DSTYK: variants seen among roughly 807,000 people sequenced by gnomAD.
DSTYK encodes the protein dual serine/threonine and tyrosine protein kinase, also known as RIP-homologous kinase.
DSTYK carries 34 observed loss-of-function variants against 98.7 expected under a neutral mutation model. That is an observed-to-expected ratio of 0.34 (90% CI 0.26 to 0.46). The LOEUF is 0.46. Ranked by LOEUF, DSTYK falls within the 20% of genes least tolerant of loss-of-function variation. The pLI, the probability that DSTYK is intolerant of heterozygous loss-of-function variation, is 1.00. For synonymous variants in DSTYK, 462 were observed against 457.3 expected, an observed-to-expected ratio of 1.01 and a Z score of -0.13; for missense variants, 962 against 1,181.7, an observed-to-expected ratio of 0.81 and a Z score of 2.73.
chr1:205,166,029 A>G (rs1657878948), intron 3 of DSTYK, among the ~76,000 whole-genome samples: 1 of 152,044 alleles, frequency 6.6e-6, no homozygotes, highest in African/African-American at 2.4e-5. Context: ...CTCAAAAAAA[A>G]ATAAATAAAT....
chr1:205,157,433 A>G, intron 9 of DSTYK, 47 bp from the exon 10 acceptor site: 1 of 1,478,932 alleles, frequency 6.8e-7, no homozygotes, highest in Non-Finnish European at 9.5e-7. Flanking sequence ...GCAACTCCTC[A>G]ATTCAACTGA....
intron 1 of DSTYK, among the ~76,000 whole-genome samples, chr1:205,207,718 T>A (rs1465894599): frequency 9.2e-6 from 1 of 108,752 alleles, no homozygotes; most frequent in East Asian, 3.0e-4. Context: ...ATCACGCCAC[T>A]GCACTCCAGC....
rs1291205969 is a variant in DSTYK at position 205,187,561 on chromosome 1, A to G, written c.511T>C (p.Tyr171His). 3.7e-6 allele frequency: 6 copies of G among 1,614,024 alleles called. No homozygotes were observed. ...TRVSLALPGQ[Y>H]ELVHTLVAHQ... Reference sequence around the variant, plus strand: ...GCAACCAGCGTGTGCACTAGTTCATACTGTCCAGGGAGCGCCAGGCTGACC... The same window carrying G: ...GCAACCAGCGTGTGCACTAGTTCATGCTGTCCAGGGAGCGCCAGGCTGACC... The change falls in exon 2 of 13, where the codon TAT becomes CAT. Residue 171 changes from tyrosine (Y) to histidine (H), a missense_variant. Physicochemically the swap from Tyr to His is moderately conservative, Grantham distance 83 (BLOSUM62 2). Around this residue, in one of 4 missense-constraint regions of DSTYK, gnomAD observed 660 missense variants for 855.0 expected, o/e 0.77. Coordinates refer to ENST00000367162, the MANE Select transcript of DSTYK (RefSeq NM_015375.3).
chr1:205,191,148 A>G (rs1212251153), intron 1 of DSTYK, among the ~76,000 whole-genome samples: 3 of 152,216 alleles, frequency 2.0e-5, no homozygotes, highest in Non-Finnish European at 4.4e-5. Flanking sequence ...CGCAGTAGGA[A>G]AGGGTGCTGA....
In DSTYK at chr1:205,169,477, C is replaced by T. The variant is rs1344353997; in HGVS notation, c.1010G>A (p.Ser337Asn). 1.2e-6 allele frequency: 2 copies of T among 1,614,030 alleles called. No individual in the cohort carries two copies. The highest frequency in any genetic ancestry group is 1.3e-5 in the African/African-American group (1 of 74,904). Residue 337 changes from serine (S) to asparagine (N), a missense_variant, in exon 3 of 13, where the codon AGT becomes AAT. By Grantham distance (46) the Ser-to-Asn change is conservative. Transcript: ENST00000367162. This position sits in a 1 kb window ranked among gnomAD's most constrained non-coding sequence, Gnocchi z 4.0. ...TGTGCTCAAGTGTCTCAGCTTTTCA[C>T]TCTGTTCCACCAACATGCTCTGAGC... is the stretch of plus-strand genomic sequence containing the variant. ...TKAQSMLVEQ[S>N]EKLRHLSTFS...
intron 1 of DSTYK, among the ~76,000 whole-genome samples, chr1:205,206,292 G>T (rs10793726): frequency 0.84 from 126,484 of 150,454 alleles, 53,257 homozygotes; most frequent in East Asian, 0.99. Flanking sequence ...TTAGTTTTTT[G>T]TTTTTGAGAC....
rs779196153 is a variant in DSTYK at position 205,160,247 on chromosome 1, G to C, written c.1972C>G (p.Leu658Val). The change falls in exon 8 of 13, where the codon CTG becomes GTG. Residue 658 changes from leucine (L) to valine (V), a missense_variant. Transcript: ENST00000367162. Reference sequence around the variant, plus strand: ...ACCACACCATACTGGCCCCGGCCCAGTTCCTGTCCCAGTTTAGGTTTACCT... The same window carrying C: ...ACCACACCATACTGGCCCCGGCCCACTTCCTGTCCCAGTTTAGGTTTACCT... ...LHRKPKLGQE[L>V]GRGQYGVVYL... The C allele has an allele frequency of 6.2e-7, 1 of 1,614,040 alleles. No homozygotes were observed. Among genetic ancestry groups the C allele is most frequent in the South Asian group, 1.1e-5 (1 of 91,074 alleles).
At chr1:205,153,219 T>C (rs996526838) in intron 10 of DSTYK, among the ~76,000 whole-genome samples, 7 of 152,242 alleles carry the variant, frequency 4.6e-5, no homozygotes, top group Non-Finnish European at 1.0e-4. Context: ...TTATAAATCA[T>C]TTAAGTATTG....
Position 205,161,404 on chromosome 1 carries a change from A to C in DSTYK, c.1819-17T>G, listed in dbSNP as rs1657715413. 1.2e-6 allele frequency: 2 copies of C among 1,613,976 alleles called. No individual in the cohort carries two copies. Among genetic ancestry groups the C allele is most frequent in the Non-Finnish European group, 1.7e-6 (2 of 1,179,928 alleles). ...AGCTTCCAGCTGGGAGAGAAACAGA[A>C]AAAGTACATATGACTTAAGTCCCTA... On this transcript the variant is annotated splice_polypyrimidine_tract_variant and intron_variant, in intron 6 of 12. Transcript: ENST00000367162.
Position 205,169,950 on chromosome 1 carries a change from A to C in DSTYK, c.655-118T>G, listed in dbSNP as rs1574767404. ...TACAATGGAACAATTGGACTTCGGT[A>C]CCCCAGCCATTGATCCACCTCCTTC... On this transcript the variant is annotated intron_variant, in intron 2 of 12. Coordinates refer to ENST00000367162, the MANE Select transcript of DSTYK (RefSeq NM_015375.3). The surrounding 1 kb of genome is among the most constrained non-coding windows in gnomAD (Gnocchi z 4.0). The C allele has an allele frequency of 8.4e-6, 8 of 954,804 alleles. No individual in the cohort carries two copies. The allele number at this position is 954,804 out of a possible 1,614,324, so 59.1% of individuals were successfully genotyped here. A position where few individuals can be genotyped will look rare whatever the true frequency, so the allele number is the denominator to read the frequency against.
chr1:205,201,753 C>T lies in DSTYK; in HGVS notation c.265+9518G>A, dbSNP rs144278295. 5.7e-3 allele frequency among the ~76,000 whole-genome samples: 865 copies of T among 152,214 alleles called. 8 individuals are homozygous for T. Among genetic ancestry groups the T allele is most frequent in the African/African-American group, 0.02 (817 of 41,540 alleles). On this transcript the variant is annotated intron_variant, in intron 1 of 12. Transcript: ENST00000367162. ...TTGTCAGCAGGCTAAGACAAACATA[C>T]TCACAGCTATCATACAAAAGAAAAG...
At position 205,162,967 on chromosome 1, in the gene DSTYK, A is replaced by C; in HGVS notation, c.1597T>G (p.Ser533Ala). ...AGCATCCTTGTAACTGACGACCCTG[A>C]GTGAAACGTGACTTCAACATGATAG... ...AAYHVEVTFH[S>A]GSSVTRMLWE... Residue 533 changes from serine to alanine, a missense_variant, in exon 5 of 13, where the codon TCA (serine) becomes GCA (alanine). Transcript: ENST00000367162. 6.2e-7 allele frequency: 1 copy of C among 1,614,182 alleles called. No individual in the cohort carries two copies. The highest frequency in any genetic ancestry group is 1.7e-5 in the Admixed American group (1 of 60,024).
intron 8 of DSTYK, 63 bp downstream of exon 8, chr1:205,160,050 TA>T: frequency 1.3e-6 from 2 of 1,591,626 alleles, no homozygotes; most frequent in Non-Finnish European, 1.7e-6. Flanking sequence ...GTACAAAATC[TA>T]AACCAGGGTT....
intron 11 of DSTYK, among the ~76,000 whole-genome samples, chr1:205,149,971 G>A (rs1427475702): frequency 6.6e-6 from 1 of 152,096 alleles, no homozygotes; most frequent in Non-Finnish European, 1.5e-5. Flanking sequence ...TTAAATCATA[G>A]CTCCATTACC....
At chr1:205,197,715 A>G (rs1323843126) in intron 1 of DSTYK, among the ~76,000 whole-genome samples, 2 of 152,130 alleles carry the variant, frequency 1.3e-5, no homozygotes, top group Admixed American at 1.3e-4. Flanking sequence ...CATCCCATCA[A>G]TCTTCCTGTG....
In DSTYK at chr1:205,185,707, T is replaced by C. The variant is rs930746524; in HGVS notation, c.654+1711A>G. ...ATATGTACTGGGTCCTGAAAGAAAA[T>C]GTATGTCTTACAGTGAATTAAAATA... On this transcript the variant is annotated intron_variant, in intron 2 of 12. Transcript: ENST00000367162. Among the ~76,000 whole-genome samples, 153 of 152,200 alleles carry C rather than the reference T, an allele frequency of 1.0e-3. 1 individual carries two copies. The highest frequency in any genetic ancestry group is 3.5e-3 in the African/African-American group (147 of 41,530).
intron 1 of DSTYK, among the ~76,000 whole-genome samples, chr1:205,193,372 C>T (rs1490176829): frequency 6.6e-6 from 1 of 152,146 alleles, no homozygotes; most frequent in Non-Finnish European, 1.5e-5. Flanking sequence ...CTCCTTCTTG[C>T]CTATTTTCCA....
In DSTYK at chr1:205,177,749, C is replaced by G. The variant is rs573376912; in HGVS notation, c.655-7917G>C. On this transcript the variant is annotated intron_variant, in intron 2 of 12. Coordinates refer to ENST00000367162, the MANE Select transcript of DSTYK (RefSeq NM_015375.3). ...AGGCATGGTGGCAGGCACCTGTAAT[C>G]CCAGTTACTCAGGAGGCTGAGGCAG... Among the ~76,000 whole-genome samples the G allele has an allele frequency of 4.6e-5, 7 of 152,046 alleles. No individual in the cohort carries two copies. In the South Asian group the frequency reaches 1.2e-3, roughly 27 times the overall value.
Position 205,159,609 on chromosome 1 carries a change from A to C in DSTYK, c.2176T>G (p.Ser726Ala). ...ATAATGAGGAGCACAGCAATGCTGGAGCCACCACCATAGTTGTAGTCAATG... is the reference window on the plus strand; with the variant it reads ...ATAATGAGGAGCACAGCAATGCTGGCGCCACCACCATAGTTGTAGTCAATG... Reference protein sequence around the residue: ...SVIDYNYGGGSSIAVLLIMER... With the variant: ...SVIDYNYGGGASIAVLLIMER... Residue 726 changes from serine (S) to alanine (A), a missense_variant, in exon 9 of 13, where the codon TCC becomes GCC. By Grantham distance (99) the Ser-to-Ala change is moderately conservative. Coordinates refer to ENST00000367162, the MANE Select transcript of DSTYK (RefSeq NM_015375.3). 6.2e-7 allele frequency: 1 copy of C among 1,613,786 alleles called. No homozygotes were observed. Among genetic ancestry groups the C allele is most frequent in the Non-Finnish European group, 8.5e-7 (1 of 1,179,932 alleles).
Sources: gnomAD v4.1 joint callset for allele counts (sites outside exome capture counted in the v4.1 genomes callset) on GRCh38, gnomAD v4.1.1 for gene constraint, gnomAD v4.1.1 regional missense constraint, Gnocchi (gnomAD v3.1) non-coding constraint, MANE v1.5 for transcripts, NCBI Gene and HGNC (gene_info 2026-07-23, HGNC 2026-07-21) for gene names.